The following HTRA1 variants were observed in gnomAD, a reference collection of about 807,000 sequenced individuals.
HTRA1 encodes serine protease HTRA1.
In HTRA1, 26 loss-of-function variants were observed where a neutral mutation model predicts 49.7. The ratio of observed to expected loss-of-function variants is 0.52; its 90% CI spans 0.38 to 0.73. The LOEUF (loss-of-function observed/expected upper bound fraction) is 0.73. Ranked by LOEUF, HTRA1 falls within the 30% of genes least tolerant of loss-of-function variation. The probability of loss-of-function intolerance (pLI) is 0.00; values close to 1 mark genes in which losing one functional copy is unlikely to be tolerated. For synonymous variants in HTRA1, 291 were observed against 286.9 expected, an observed-to-expected ratio of 1.01 and a Z score of -0.14; for missense variants, 561 against 667.2, an observed-to-expected ratio of 0.84 and a Z score of 1.75.
chr10:122,508,478 C>T (rs1004608885), intron 5 of HTRA1, among the ~76,000 whole-genome samples, 178 bp from the exon 6 acceptor site: 6 of 152,254 alleles, frequency 3.9e-5, no homozygotes, highest in Non-Finnish European at 7.3e-5. Context: ...GCGCGTGGCT[C>T]GCGCTGCCTG....
intron 1 of HTRA1, among the ~76,000 whole-genome samples, chr10:122,486,578 T>G (rs2097493177): frequency 6.6e-6 from 1 of 152,118 alleles, no homozygotes; most frequent in Non-Finnish European, 1.5e-5. Flanking sequence ...CCCCATGGTG[T>G]CAAGCTGGGT....
In HTRA1 at chr10:122,461,685, G is replaced by GT. The variant is rs541533723; in HGVS notation, c.33_34insT (p.Leu12SerfsTer157). The GT allele has an allele frequency of 1.0e-3, 1,322 of 1,303,744 alleles. 10 individuals carry two copies. In the East Asian group the frequency reaches 0.03, roughly 30 times the overall value. The allele number at this position is 1,303,744 out of a possible 1,614,324, so 80.8% of individuals were successfully genotyped here. A position where few individuals can be genotyped will look rare whatever the true frequency, so the allele number is the denominator to read the frequency against. On this transcript the variant is annotated frameshift_variant, in exon 1 of 9. Coordinates refer to ENST00000368984, the MANE Select transcript of HTRA1 (RefSeq NM_002775.5). LOFTEE classifies it high-confidence loss of function. ...TCCCGCGCGCCGCTCTTCTCCCGCT[G>GT]CTGCTGCTGCTGCTGGCGGCGCCCG...
chr10:122,497,096 A>G (rs946400782), intron 3 of HTRA1, among the ~76,000 whole-genome samples: 2 of 152,176 alleles, frequency 1.3e-5, no homozygotes, highest in Non-Finnish European at 2.9e-5. Context: ...GAGAAATAAG[A>G]CCTTCTGGTG....
At chr10:122,472,686 T>C (rs1048943530) in intron 1 of HTRA1, among the ~76,000 whole-genome samples, 1 of 152,150 alleles carries the variant, frequency 6.6e-6, no homozygotes, top group Non-Finnish European at 1.5e-5. Flanking sequence ...TGAGCTACCA[T>C]GCCTGGCCTA....
At chr10:122,476,262 C>T (rs1449804347) in intron 1 of HTRA1, among the ~76,000 whole-genome samples, 4 of 152,198 alleles carry the variant, frequency 2.6e-5, no homozygotes, top group African/African-American at 7.2e-5. Context: ...TGCCTGCTCC[C>T]GTTGTGCTTC....
At chr10:122,511,436 A>G (rs2097505515) in intron 7 of HTRA1, among the ~76,000 whole-genome samples, 1 of 152,174 alleles carries the variant, frequency 6.6e-6, no homozygotes, top group South Asian at 2.1e-4. Flanking sequence ...ATTAAGAAAT[A>G]ATAACAATGA....
chr10:122,486,000 T>A lies in HTRA1; in HGVS notation c.473-2902T>A, dbSNP rs1565419895. Among the ~76,000 whole-genome samples the A allele has an allele frequency of 2.6e-5, 4 of 152,322 alleles. No individual in the cohort carries two copies. The South Asian group carries it at 8.3e-4, about 32-fold the overall frequency. ...CTGTTTTCAGAAGGAACATTTCCAT[T>A]CCCTTATTTACACCTCCCATTGGAG... On this transcript the variant is annotated intron_variant, in intron 1 of 8. Transcript: ENST00000368984.
intron 3 of HTRA1, among the ~76,000 whole-genome samples, chr10:122,493,941 C>G (rs938609873): frequency 3.3e-5 from 5 of 151,468 alleles, no homozygotes; most frequent in Non-Finnish European, 2.9e-5. Flanking sequence ...CTTGGCTGTT[C>G]CCCTCCCAGG....
intron 1 of HTRA1, among the ~76,000 whole-genome samples, chr10:122,471,871 G>C (rs910274859): frequency 1.3e-5 from 2 of 152,188 alleles, no homozygotes; most frequent in Non-Finnish European, 2.9e-5. Context: ...AACAGGCCTT[G>C]TTCCCTTAGT....
At chr10:122,509,679 C>T (rs1392570952) in intron 6 of HTRA1, among the ~76,000 whole-genome samples, 6 of 152,186 alleles carry the variant, frequency 3.9e-5, no homozygotes, top group African/African-American at 9.6e-5. Context: ...CTGATGGCTG[C>T]GGGGAGTCTG....
rs972258092 is a variant in HTRA1 at position 122,514,438 on chromosome 10, A to C, written c.*79A>C. The C allele has an allele frequency of 6.4e-6, 9 of 1,416,844 alleles. No individual in the cohort carries two copies. Among genetic ancestry groups the C allele is most frequent in the Non-Finnish European group, 8.0e-6 (8 of 1,002,572 alleles). 87.8% of individuals were successfully genotyped at this position (1,416,844 alleles called of 1,614,324 possible). On this transcript the variant is annotated 3_prime_UTR_variant, in exon 9 of 9. Coordinates refer to ENST00000368984, the MANE Select transcript of HTRA1 (RefSeq NM_002775.5). ...CGGATGAGGACTCTGGGCTGCTGGA[A>C]TAGGACACTCAAGACTTTTGACTGC...
Position 122,487,209 on chromosome 10 carries a change from T to C in HTRA1, c.473-1693T>C, listed in dbSNP as rs1042436802. The stretch of plus-strand genomic sequence containing the variant: ...CAGAGGAGTGCGGGTCCCTGGAGCC[T>C]GCTTGTGCAACGCTGAGCTAGTCCA... On this transcript the variant is annotated intron_variant, in intron 1 of 8. Transcript: ENST00000368984. This position sits in a 1 kb window ranked among gnomAD's most constrained non-coding sequence, Gnocchi z 4.8. Among the ~76,000 whole-genome samples, 10 of 152,334 alleles carry C rather than the reference T, an allele frequency of 6.6e-5. No homozygotes were observed. Among genetic ancestry groups the C allele is most frequent in the Middle Eastern group, 3.4e-3 (1 of 294 alleles).
intron 8 of HTRA1, among the ~76,000 whole-genome samples, 162 bp from the exon 9 acceptor site, chr10:122,514,029 G>A (rs1160073412): frequency 4.6e-5 from 7 of 151,922 alleles, no homozygotes; most frequent in African/African-American, 9.7e-5. Context: ...ATGAGCCACC[G>A]TGCCTGACCC....
intron 3 of HTRA1, among the ~76,000 whole-genome samples, chr10:122,501,363 T>C (rs2672608): frequency 0.99 from 150,117 of 152,316 alleles, 74,006 homozygotes; most frequent in East Asian, 1. Context: ...TGCTCCACCC[T>C]GCCAAACAAA....
chr10:122,493,696 A>G (rs1018469245), intron 3 of HTRA1, among the ~76,000 whole-genome samples: 1 of 152,194 alleles, frequency 6.6e-6, no homozygotes, highest in Non-Finnish European at 1.5e-5. Context: ...GGAGAAAAGC[A>G]TCTTTGGAAT....
At chr10:122,469,377 C>T (rs2133909746) in intron 1 of HTRA1, among the ~76,000 whole-genome samples, 1 of 152,310 alleles carries the variant, frequency 6.6e-6, no homozygotes, top group African/African-American at 2.4e-5. Flanking sequence ...AGTGCAGTCA[C>T]CACTTGATGG....
At chr10:122,475,281 G>A (rs1048631479) in intron 1 of HTRA1, among the ~76,000 whole-genome samples, 1 of 152,182 alleles carries the variant, frequency 6.6e-6, no homozygotes, top group Non-Finnish European at 1.5e-5. Flanking sequence ...GGCGTCCGGC[G>A]AGCTTTTCCC....
chr10:122,511,271 G>A (rs957025969), intron 7 of HTRA1, among the ~76,000 whole-genome samples: 2 of 152,150 alleles, frequency 1.3e-5, no homozygotes, highest in Non-Finnish European at 2.9e-5. Context: ...ATGTTGTAGG[G>A]TACTGTTATT....
intron 3 of HTRA1, among the ~76,000 whole-genome samples, chr10:122,496,506 G>C (rs969276551): frequency 6.6e-6 from 1 of 151,892 alleles, no homozygotes; most frequent in Non-Finnish European, 1.5e-5. Flanking sequence ...TAGGTGCTGA[G>C]GATGCAGCAA....
Sources: allele counts gnomAD v4.1 joint callset (sites outside exome capture counted in the v4.1 genomes callset), GRCh38; gene constraint gnomAD v4.1.1; non-coding constraint Gnocchi (gnomAD v3.1); transcripts MANE v1.5; gene names NCBI Gene and HGNC (gene_info 2026-07-23, HGNC 2026-07-21).